The following CLCN3 variants were observed in gnomAD, a reference collection of about 807,000 sequenced individuals.
CLCN3 encodes H(+)/Cl(-) exchange transporter 3.
CLCN3 carries 16 observed loss-of-function variants against 83.4 expected under a neutral mutation model. The ratio of observed to expected loss-of-function variants is 0.19; its 90% CI spans 0.13 to 0.29. The LOEUF is 0.29. CLCN3 is among the 10% of genes least tolerant of loss of function. The probability of loss-of-function intolerance (pLI) is 1.00; values close to 1 mark genes in which losing one functional copy is unlikely to be tolerated. For synonymous variants in CLCN3, 322 were observed against 346.2 expected, an observed-to-expected ratio of 0.93 and a Z score of 0.78; for missense variants, 544 against 1,006.0, an observed-to-expected ratio of 0.54 and a Z score of 6.21.
At chr4:169,700,566 T>A (rs1293876208) in intron 9 of CLCN3, among the ~76,000 whole-genome samples, 1 of 152,178 alleles carries the variant, frequency 6.6e-6, no homozygotes, top group South Asian at 2.1e-4. Flanking sequence ...CTGGCCTCTT[T>A]CAGTAGTCTT....
chr4:169,666,662 T>G (rs1307196397), intron 2 of CLCN3, among the ~76,000 whole-genome samples: 4 of 152,228 alleles, frequency 2.6e-5, no homozygotes, highest in East Asian at 1.9e-4. Flanking sequence ...TAACCTACTC[T>G]GAGAGAAGGT....
At position 169,620,628 on chromosome 4, in the gene CLCN3, C is replaced by G. The variant is rs1446987581; in HGVS notation, c.-452C>G. On this transcript the variant is annotated 5_prime_UTR_variant, in exon 1 of 13. Transcript: ENST00000513761. ...CGGTCCGGTCCGGAACCTGCAGCCC[C>G]TTTCCCAGTGTTCTAGTTCGCCCGT... 5.0e-6 allele frequency: 2 copies of G among 397,690 alleles called. No individual in the cohort carries two copies. The highest frequency in any genetic ancestry group is 4.4e-6 in the Non-Finnish European group (1 of 226,006). 24.6% of individuals were successfully genotyped at this position (397,690 alleles called of 1,614,324 possible).
intron 3 of CLCN3, 76 bp downstream of exon 3, chr4:169,680,283 T>A: frequency 9.9e-7 from 1 of 1,007,834 alleles, no homozygotes; most frequent in Non-Finnish European, 1.5e-6. Flanking sequence ...CTGCCAATGA[T>A]CTCAGGCTGC....
At chr4:169,713,326 T>A in intron 12 of CLCN3, 31 bp downstream of exon 12, 1 of 1,517,290 alleles carries the variant, frequency 6.6e-7, no homozygotes, top group Middle Eastern at 1.7e-4. Flanking sequence ...ATCAGTTCAC[T>A]TGCTAGAATA....
At chr4:169,682,592 A>AC (rs1731988132) in intron 3 of CLCN3, among the ~76,000 whole-genome samples, 1 of 152,326 alleles carries the variant, frequency 6.6e-6, no homozygotes, top group Admixed American at 6.5e-5. Context: ...ACATACTTCC[A>AC]CAAGCAGCAG....
chr4:169,708,166 A>G (rs2150268578), intron 11 of CLCN3, among the ~76,000 whole-genome samples: 1 of 152,236 alleles, frequency 6.6e-6, no homozygotes, highest in Non-Finnish European at 1.5e-5. Flanking sequence ...TCTCCCTTCC[A>G]GCTTACCTCT....
intron 2 of CLCN3, among the ~76,000 whole-genome samples, chr4:169,675,303 G>A (rs2150233271): frequency 6.6e-6 from 1 of 152,292 alleles, no homozygotes; most frequent in East Asian, 1.9e-4. Flanking sequence ...GATTTCACAT[G>A]ATCTCTTGAT....
intron 5 of CLCN3, 23 bp from the exon 6 acceptor site, chr4:169,690,507 C>T: frequency 6.3e-7 from 1 of 1,598,620 alleles, no homozygotes; most frequent in Non-Finnish European, 8.5e-7. Context: ...TAAATTCATA[C>T]TCTCGAACTA....
chr4:169,667,639 T>G (rs1350331284), intron 2 of CLCN3, among the ~76,000 whole-genome samples: 2 of 151,894 alleles, frequency 1.3e-5, no homozygotes, highest in Non-Finnish European at 2.9e-5. Context: ...TAGGAATTTG[T>G]TTCTGTGTCC....
chr4:169,688,705 T>C (rs1158533971), intron 4 of CLCN3, among the ~76,000 whole-genome samples: 1 of 152,236 alleles, frequency 6.6e-6, no homozygotes, highest in African/African-American at 2.4e-5. Context: ...TTTATAAGTC[T>C]GTTAATTAAG....
intron 2 of CLCN3, among the ~76,000 whole-genome samples, chr4:169,675,304 A>C (rs1731632584): frequency 1.3e-5 from 2 of 152,192 alleles, no homozygotes; most frequent in South Asian, 2.1e-4. Flanking sequence ...ATTTCACATG[A>C]TCTCTTGATC....
intron 11 of CLCN3, among the ~76,000 whole-genome samples, chr4:169,708,487 G>A (rs538560091): frequency 7.2e-5 from 11 of 152,192 alleles, no homozygotes; most frequent in South Asian, 2.1e-4. Flanking sequence ...GCTTGGCTCC[G>A]TTCAAGCATT....
At chr4:169,626,814 C>T (rs1773247247) in intron 1 of CLCN3, among the ~76,000 whole-genome samples, 1 of 152,084 alleles carries the variant, frequency 6.6e-6, no homozygotes, top group Non-Finnish European at 1.5e-5. Context: ...CCTGTCTCTA[C>T]TTATATAAAA....
At chr4:169,626,309 C>A (rs529062635) in intron 1 of CLCN3, among the ~76,000 whole-genome samples, 5 of 152,322 alleles carry the variant, frequency 3.3e-5, no homozygotes, top group African/African-American at 1.2e-4. Context: ...CCAGGAGCCT[C>A]CAATGTTCAG....
Position 169,690,665 on chromosome 4 carries a change from A to G in CLCN3, c.729+13A>G. 2.5e-6 allele frequency: 4 copies of G among 1,603,216 alleles called. No individual in the cohort carries two copies. Among genetic ancestry groups the G allele is most frequent in the Non-Finnish European group, 3.4e-6 (4 of 1,174,536 alleles). On this transcript the variant is annotated intron_variant, in intron 6 of 12. Transcript: ENST00000513761. Reference sequence around the variant, plus strand: ...TGGAATTCCAGAGGTAAGCCAAGTAATATTTAGTGTCATTAAACATTATTA... The same window carrying G: ...TGGAATTCCAGAGGTAAGCCAAGTAGTATTTAGTGTCATTAAACATTATTA...
intron 2 of CLCN3, among the ~76,000 whole-genome samples, chr4:169,679,142 C>T (rs1320231981): frequency 4.1e-5 from 6 of 147,304 alleles, no homozygotes; most frequent in Admixed American, 2.7e-4. Flanking sequence ...GATGGGGTCG[C>T]GGCTGGGCAG....
At chr4:169,633,269 C>A (rs1484586297) in intron 1 of CLCN3, among the ~76,000 whole-genome samples, 1 of 152,146 alleles carries the variant, frequency 6.6e-6, no homozygotes, top group East Asian at 1.9e-4. Flanking sequence ...CCTCGGCCTC[C>A]CAAAGTGCTG....
intron 1 of CLCN3, among the ~76,000 whole-genome samples, chr4:169,622,223 G>A (rs995853269): frequency 6.6e-6 from 1 of 152,200 alleles, no homozygotes; most frequent in African/African-American, 2.4e-5. Context: ...TTCAGTATGT[G>A]TTATCAGTCA....
At chr4:169,718,812 C>T (rs1733523815) in intron 12 of CLCN3, among the ~76,000 whole-genome samples, 1 of 152,162 alleles carries the variant, frequency 6.6e-6, no homozygotes, top group South Asian at 2.1e-4. Context: ...AAACTACTAA[C>T]CAGAATATTA....
Sources: allele counts gnomAD v4.1 joint callset (sites outside exome capture counted in the v4.1 genomes callset), GRCh38; gene constraint gnomAD v4.1.1; transcripts MANE v1.5; gene names NCBI Gene and HGNC (gene_info 2026-07-23, HGNC 2026-07-21).